The following ING5 variants were observed in gnomAD, a reference collection of about 807,000 sequenced individuals.
ING5 encodes inhibitor of growth family member 5.
A neutral mutation model predicts 37.4 loss-of-function variants in ING5; 17 were observed. That is an observed-to-expected ratio of 0.45 (90% CI 0.31 to 0.68). The LOEUF (loss-of-function observed/expected upper bound fraction) is 0.68, where lower values mean the gene tolerates loss of function less well. ING5 is among the 30% of genes least tolerant of loss of function. The pLI is 0.05. For synonymous variants in ING5, 123 were observed against 116.6 expected, an observed-to-expected ratio of 1.06 and a Z score of -0.36; for missense variants, 233 against 311.9, an observed-to-expected ratio of 0.75 and a Z score of 1.91.
At chr2:241,723,982 C>G in intron 7 of ING5, 1 of 1,316,698 alleles carries the variant, frequency 7.6e-7, no homozygotes, top group Middle Eastern at 2.7e-4. Flanking sequence ...TGCACTCCAG[C>G]CTGGGCGAGA....
intron 2 of ING5, chr2:241,709,011 G>C (rs962920956): frequency 2.0e-6 from 1 of 507,540 alleles, no homozygotes; most frequent in African/African-American, 1.9e-5. Context: ...TGGGCACGTT[G>C]CCGTAAAGTC....
chr2:241,702,924 T>C (rs1212487633), intron 1 of ING5, among the ~76,000 whole-genome samples: 1 of 152,098 alleles, frequency 6.6e-6, no homozygotes, highest in Non-Finnish European at 1.5e-5. Flanking sequence ...AGGGCCCTTG[T>C]GGGGGCGCTG....
At position 241,702,107 on chromosome 2, in the gene ING5, GCGCGCCCCA is replaced by G; in HGVS notation, c.37+8_37+16del. On this transcript the variant is annotated splice_donor_region_variant and intron_variant, in intron 1 of 7. Coordinates refer to ENST00000313552, the MANE Select transcript of ING5 (RefSeq NM_032329.6). ...ACTTGGAGCACTATCTGGACAGTAAGCGCGCCCCACGGGCCCCGCGCCCGCCGCCCACGC... is the reference window on the plus strand; with the variant it reads ...ACTTGGAGCACTATCTGGACAGTAAGCGGGCCCCGCGCCCGCCGCCCACGC... The G allele has an allele frequency of 7.5e-7, 1 of 1,334,368 alleles. No homozygotes were observed. Among genetic ancestry groups the G allele is most frequent in the Non-Finnish European group, 9.7e-7 (1 of 1,034,666 alleles). The allele number at this position is 1,334,368 out of a possible 1,614,324, so 82.7% of individuals were successfully genotyped here.
intron 7 of ING5, chr2:241,723,752 C>T (rs761468250): frequency 8.8e-6 from 14 of 1,598,012 alleles, no homozygotes; most frequent in Non-Finnish European, 1.1e-5. Flanking sequence ...CCCTTGCATC[C>T]CCTTGGCAAT....
In ING5 at chr2:241,727,754, A is replaced by G. The variant is rs1691681835; in HGVS notation, c.*2723A>G. 6.6e-6 allele frequency: 1 copy of G among 152,208 alleles called. No individual in the cohort carries two copies. Among genetic ancestry groups the G allele is most frequent in the South Asian group, 2.1e-4 (1 of 4,836 alleles). The allele number at this position is 152,208 out of a possible 1,614,324, so 9.4% of individuals were successfully genotyped here. ...TGGCAATTTTTCAGAAATGAATTTG[A>G]TATTGCGCTCCACCTTTGAGCTGTT... On this transcript the variant is annotated 3_prime_UTR_variant, in exon 8 of 8. Transcript: ENST00000313552.
At chr2:241,692,210 ACT>A (rs113476614) in intron 2 of ING5, among the ~76,000 whole-genome samples, 3 of 152,150 alleles carry the variant, frequency 2.0e-5, no homozygotes, top group African/African-American at 7.2e-5. Flanking sequence ...AATCAGGTAG[ACT>A]CTTGTTATAA....
chr2:241,722,852 A>T (rs180680426), intron 5 of ING5, 87 bp from the exon 6 acceptor site: 1 of 1,576,292 alleles, frequency 6.3e-7, no homozygotes, highest in African/African-American at 1.3e-5. Context: ...AGGGGGCCTT[A>T]AGTCAGAGAC....
intron 5 of ING5, chr2:241,720,467 T>C: frequency 9.8e-7 from 1 of 1,023,092 alleles, no homozygotes; most frequent in Non-Finnish European, 1.2e-6. Flanking sequence ...GCTCCGTGTC[T>C]CGTCTGAGAT....
chr2:241,703,648 G>A (rs2069812779), intron 1 of ING5, among the ~76,000 whole-genome samples: 1 of 151,900 alleles, frequency 6.6e-6, no homozygotes, highest in African/African-American at 2.4e-5. Flanking sequence ...GTCTCACCCT[G>A]TTGCCCAGGT....
Position 241,709,402 on chromosome 2 carries a change from C to T in ING5, c.276+20C>T. On this transcript the variant is annotated intron_variant, in intron 3 of 7. Coordinates refer to ENST00000313552, the MANE Select transcript of ING5 (RefSeq NM_032329.6). ...GAGATGGTGAGGGCGGGGCGGGGGC[C>T]ATGGCTCTTCCTCTGACCTCTACTC... The T allele has an allele frequency of 6.2e-7, 1 of 1,602,428 alleles. No homozygotes were observed. Among genetic ancestry groups the T allele is most frequent in the East Asian group, 2.2e-5 (1 of 44,670 alleles).
At chr2:241,721,425 A>T in intron 5 of ING5, 7 of 985,602 alleles carry the variant, frequency 7.1e-6, no homozygotes, top group Non-Finnish European at 8.4e-6. Context: ...CAAAGGACAG[A>T]CTTAGGTGGG....
rs184240402 is a variant in ING5, at chr2:241,721,863, C to T, written c.483-1076C>T. The T allele has an allele frequency of 1.5e-5, 15 of 985,526 alleles. No homozygotes were observed. In the Admixed American group the frequency reaches 1.8e-4, roughly 12 times the overall value. 61.0% of individuals were successfully genotyped at this position (985,526 alleles called of 1,614,324 possible). ...CCTGAGGTCTGTGGTCCTGGTGGGACGGCCATGGTGCTACAGGTGGCAGGC... is the reference window on the plus strand; with the variant it reads ...CCTGAGGTCTGTGGTCCTGGTGGGATGGCCATGGTGCTACAGGTGGCAGGC... On this transcript the variant is annotated intron_variant, in intron 5 of 7. Coordinates refer to ENST00000313552, the MANE Select transcript of ING5 (RefSeq NM_032329.6).
Position 241,725,742 on chromosome 2 carries a change from A to G in ING5, c.*711A>G, listed in dbSNP as rs1416142614. 1 of 152,662 alleles carries G rather than the reference A, an allele frequency of 6.6e-6. No individual in the cohort carries two copies. Among genetic ancestry groups the G allele is most frequent in the East Asian group, 1.9e-4 (1 of 5,190 alleles). The allele number at this position is 152,662 out of a possible 1,614,324, so 9.5% of individuals were successfully genotyped here. The stretch of plus-strand genomic sequence containing the variant: ...CAGCACCCGCGAGACCCTGTGCGAC[A>G]GCTGGGCTGATGCTCCGTTTCTCTG... On this transcript the variant is annotated 3_prime_UTR_variant, in exon 8 of 8. Transcript: ENST00000313552.
At chr2:241,718,173 C>T (rs144037753) in intron 5 of ING5, among the ~76,000 whole-genome samples, 13,202 of 151,996 alleles carry the variant, frequency 0.087, 1,468 homozygotes, top group African/African-American at 0.26. Flanking sequence ...TCACCACACC[C>T]GGCTAAGTTT....
chr2:241,719,622 G>A, intron 5 of ING5: 4 of 1,535,846 alleles, frequency 2.6e-6, no homozygotes, highest in Non-Finnish European at 3.5e-6. Context: ...GGTATGCTAG[G>A]CATAAGGAAT....
intron 2 of ING5, among the ~76,000 whole-genome samples, chr2:241,691,387 T>C (rs1021989514): frequency 2.0e-5 from 3 of 151,394 alleles, no homozygotes; most frequent in Admixed American, 6.6e-5. Context: ...TGCAGTGAGC[T>C]GAGATCATGC....
At chr2:241,712,127 C>A in intron 5 of ING5, 56 bp downstream of exon 5, 2 of 1,350,850 alleles carry the variant, frequency 1.5e-6, no homozygotes, top group East Asian at 2.4e-5. Context: ...GCCTGTATCC[C>A]GGATGTAGGA....
intron 2 of ING5, among the ~76,000 whole-genome samples, chr2:241,694,642 G>T (rs1470293818): frequency 1.3e-5 from 2 of 151,594 alleles, no homozygotes; most frequent in Non-Finnish European, 1.5e-5. Flanking sequence ...AGGGTTGGCA[G>T]AAGTATGGAA....
At chr2:241,691,272 C>T (rs2069550409) in intron 2 of ING5, among the ~76,000 whole-genome samples, 1 of 151,710 alleles carries the variant, frequency 6.6e-6, no homozygotes, top group Non-Finnish European at 1.5e-5. Flanking sequence ...AACACCGTCT[C>T]TACTAAAAAT....
Sources: allele counts gnomAD v4.1 joint callset (sites outside exome capture counted in the v4.1 genomes callset), GRCh38; gene constraint gnomAD v4.1.1; transcripts MANE v1.5; gene names NCBI Gene and HGNC (gene_info 2026-07-23, HGNC 2026-07-21).